The following CD2AP variants were observed in gnomAD, a reference collection of about 807,000 sequenced individuals.
The protein encoded by CD2AP is CD2-associated protein.
In CD2AP, 46 loss-of-function variants were observed where a neutral mutation model predicts 85.1. That is an observed-to-expected ratio of 0.54 (90% confidence interval 0.43 to 0.69). The LOEUF (loss-of-function observed/expected upper bound fraction) is 0.69. Among genes scored for constraint, CD2AP ranks in the 30% least tolerant of loss-of-function variants. The probability of loss-of-function intolerance (pLI) is 0.00; values close to 1 mark genes in which losing one functional copy is unlikely to be tolerated. For missense variants in CD2AP, 769 were observed against 729.5 expected (o/e 1.05, Z -0.62); for synonymous variants, 255 against 252.9 (o/e 1.01, Z -0.08).
intron 2 of CD2AP, among the ~76,000 whole-genome samples, chr6:47,513,232 C>T (rs990004621): frequency 5.3e-5 from 8 of 150,278 alleles, no homozygotes; most frequent in African/African-American, 2.0e-4. Flanking sequence ...ATTGAGGGCT[C>T]TTAAATCCTG....
intron 13 of CD2AP, 94 bp downstream of exon 13, chr6:47,599,537 A>C (rs1413034313): frequency 5.7e-6 from 6 of 1,048,950 alleles, no homozygotes; most frequent in Non-Finnish European, 8.5e-6. Context: ...TGTGTGGATA[A>C]AGTTGGATAA....
intron 16 of CD2AP, among the ~76,000 whole-genome samples, chr6:47,611,339 A>G (rs1156765656): frequency 6.6e-6 from 1 of 150,424 alleles, no homozygotes. Context: ...TAGAACAACA[A>G]ATAAATAATA....
intron 2 of CD2AP, among the ~76,000 whole-genome samples, chr6:47,528,831 G>T (rs1766796002): frequency 6.6e-6 from 1 of 151,964 alleles, no homozygotes; most frequent in Non-Finnish European, 1.5e-5. Context: ...TGGATCTTTT[G>T]CCCATTTAAA....
chr6:47,493,324 A>G (rs12110725), intron 1 of CD2AP, among the ~76,000 whole-genome samples: 5,629 of 145,990 alleles, frequency 0.039, 341 homozygotes, highest in African/African-American at 0.13. Flanking sequence ...TTTAAGGATA[A>G]TTTTACTAGA....
chr6:47,509,354 A>G (rs1231934002), intron 2 of CD2AP, among the ~76,000 whole-genome samples: 1 of 152,208 alleles, frequency 6.6e-6, no homozygotes, highest in South Asian at 2.1e-4. Flanking sequence ...AATGTAATAC[A>G]GAGACATAAA....
intron 16 of CD2AP, 174 bp downstream of exon 16, chr6:47,609,478 A>G (rs1769367319): frequency 2.3e-6 from 1 of 439,656 alleles, no homozygotes; most frequent in African/African-American, 2.1e-5. Flanking sequence ...GGAGTTCGAG[A>G]CCAGCCTGGA....
At chr6:47,556,389 CT>C (rs35826353) in intron 5 of CD2AP, among the ~76,000 whole-genome samples, 90,498 of 149,012 alleles carry the variant, frequency 0.61, 28,105 homozygotes, top group Middle Eastern at 0.74. Flanking sequence ...TGAACTCATT[CT>C]TTTTTTTTTT....
chr6:47,486,086 C>T (rs1197492907), intron 1 of CD2AP, among the ~76,000 whole-genome samples: 1 of 152,174 alleles, frequency 6.6e-6, no homozygotes, highest in Non-Finnish European at 1.5e-5. Context: ...CACAAGGTCA[C>T]ATCATCAAGC....
intron 1 of CD2AP, among the ~76,000 whole-genome samples, chr6:47,481,853 A>C (rs777222983): frequency 6.6e-6 from 1 of 152,222 alleles, no homozygotes; most frequent in African/African-American, 2.4e-5. Context: ...ATCATAGCTC[A>C]CTGCAGCCTC....
At position 47,609,530 on chromosome 6, in the gene CD2AP, AAG is replaced by A. The variant is rs1491059125; in HGVS notation, c.1814+228_1814+229del. 654 of 323,332 alleles carry A rather than the reference AAG, an allele frequency of 2.0e-3. 6 individuals carry two copies. Among genetic ancestry groups the A allele is most frequent in the African/African-American group, 0.014 (590 of 41,976 alleles). The allele number at this position is 323,332 out of a possible 1,614,324, so 20.0% of individuals were successfully genotyped here. ...CATCTTTGCAAAAAAAAAAAAAAAA[AAG>A]AAAAGAAAAGAAAAGAAAAAGCCAG... On this transcript the variant is annotated intron_variant, in intron 16 of 17. Transcript: ENST00000359314.
In CD2AP at chr6:47,589,565, C is replaced by CATATATATATATATATATAT. The variant is rs1554182282; in HGVS notation, c.1109-6280_1109-6279insATATATATATATATATATAT. On this transcript the variant is annotated intron_variant, in intron 11 of 17. Transcript: ENST00000359314. ...ACACATATATATACACACACACACACATATATATATATATATTTGTCAGAG... is the reference window on the plus strand; with the variant it reads ...ACACATATATATACACACACACACACATATATATATATATATATATATATATATATATATATTTGTCAGAG... Among the ~76,000 whole-genome samples, 173 of 120,972 alleles carry CATATATATATATATATATAT rather than the reference C, an allele frequency of 1.4e-3. 1 individual carries two copies. Among genetic ancestry groups the CATATATATATATATATATAT allele is most frequent in the African/African-American group, 2.8e-3 (93 of 33,656 alleles). 79.4% of individuals were successfully genotyped at this position (120,972 alleles called of 152,430 possible). A position where few individuals can be genotyped will look rare whatever the true frequency, so the allele number is the denominator to read the frequency against.
chr6:47,609,685 C>A (rs2114150507), intron 16 of CD2AP, among the ~76,000 whole-genome samples: 1 of 151,994 alleles, frequency 6.6e-6, no homozygotes, highest in East Asian at 1.9e-4. Flanking sequence ...GGCAACAAAA[C>A]CAAGACCCTG....
chr6:47,601,185 T>A (rs1470255848), intron 13 of CD2AP, among the ~76,000 whole-genome samples: 1 of 151,952 alleles, frequency 6.6e-6, no homozygotes, highest in Non-Finnish European at 1.5e-5. Flanking sequence ...AGTTCTGTTT[T>A]TACTTGGTTT....
intron 11 of CD2AP, among the ~76,000 whole-genome samples, chr6:47,589,673 G>A (rs2114121280): frequency 6.6e-6 from 1 of 151,732 alleles, no homozygotes; most frequent in Non-Finnish European, 1.5e-5. Flanking sequence ...GCCCAGTAAA[G>A]TCTGGCATTG....
rs750459384 is a variant in CD2AP at position 47,609,217 on chromosome 6, A to G, written c.1727A>G (p.Asp576Gly). Residue 576 changes from aspartate to glycine, a missense_variant, in exon 16 of 18, where the codon GAT becomes GGT. Coordinates refer to ENST00000359314, the MANE Select transcript of CD2AP (RefSeq NM_012120.3). ...PLEIKAKVET[D>G]DVKKNSLDEL... is the part of the protein sequence containing the mutation. ...GAAATCAAAGCTAAAGTGGAAACAG[A>G]TGATGTGAAAAAAAATTCCCTGGAT... 2.4e-5 allele frequency: 39 copies of G among 1,613,216 alleles called. No individual in the cohort carries two copies. The highest frequency in any genetic ancestry group is 3.1e-5 in the Non-Finnish European group (36 of 1,179,414).
At chr6:47,498,330 T>G (rs1054137114) in intron 1 of CD2AP, among the ~76,000 whole-genome samples, 2 of 152,208 alleles carry the variant, frequency 1.3e-5, no homozygotes, top group African/African-American at 4.8e-5. Context: ...TTCTCAATCT[T>G]TTGTAGATGA....
chr6:47,613,146 C>T lies in CD2AP; in HGVS notation c.1878+610C>T, dbSNP rs191410480. On this transcript the variant is annotated intron_variant, in intron 17 of 17. Transcript: ENST00000359314. ...CAGTTCTTTTCTCCACTGAAGTCTT[C>T]AATCCTCAAAGTCATCCCTGGGAGT... is the stretch of plus-strand genomic sequence containing the variant. Among the ~76,000 whole-genome samples, 49 of 152,290 alleles carry T rather than the reference C, an allele frequency of 3.2e-4. No homozygotes were observed. The Middle Eastern group carries it at 0.017, about 53-fold the overall frequency.
At chr6:47,591,327 C>T (rs1768786775) in intron 11 of CD2AP, among the ~76,000 whole-genome samples, 1 of 152,066 alleles carries the variant, frequency 6.6e-6, no homozygotes, top group Non-Finnish European at 1.5e-5. Context: ...GGTGGTTACT[C>T]TGGTATGTTC....
At chr6:47,599,081 TTTATG>T (rs950768294) in intron 12 of CD2AP, among the ~76,000 whole-genome samples, 3 of 141,618 alleles carry the variant, frequency 2.1e-5, no homozygotes, top group Admixed American at 7.0e-5. Flanking sequence ...GAATGTTAAT[TTTATG>T]TTATAATAAT....
Sources: allele counts gnomAD v4.1 joint callset (sites outside exome capture counted in the v4.1 genomes callset), GRCh38; gene constraint gnomAD v4.1.1; transcripts MANE v1.5; gene names NCBI Gene and HGNC (gene_info 2026-07-23, HGNC 2026-07-21).